ZNF107: variants seen among roughly 807,000 people sequenced by gnomAD.
The protein encoded by ZNF107 is zinc finger protein 107, also known as C2H2 type zinc-finger protein.
In ZNF107, 19 loss-of-function variants were observed where a neutral mutation model predicts 12.3. The observed-to-expected ratio is 1.55, with a 90% CI of 1.08 to 2.27. ZNF107 has a LOEUF of 2.27. Among genes scored for constraint, ZNF107 ranks in the 30% most tolerant of loss-of-function variants. The pLI, the probability that ZNF107 is intolerant of heterozygous loss-of-function variation, is 0.00. For synonymous variants in ZNF107, 317 were observed against 330.5 expected, an observed-to-expected ratio of 0.96 and a Z score of 0.44; for missense variants, 958 against 979.9, an observed-to-expected ratio of 0.98 and a Z score of 0.30.
At chr7:64,684,212 C>A (rs1020545135) in intron 1 of ZNF107, among the ~76,000 whole-genome samples, 23 of 152,168 alleles carry the variant, frequency 1.5e-4, no homozygotes, top group Non-Finnish European at 2.8e-4. Context: ...CCAGGTATAG[C>A]CCATTCGAAC....
In ZNF107 at chr7:64,706,750, A is replaced by G; in HGVS notation, c.653A>G (p.Lys218Arg). ...TTTAACTGGTTCTCAACTCTTACTA[A>G]ACATAAGAGAATTCATACTGGAGAA... is the stretch of plus-strand genomic sequence containing the variant. ...KAFNWFSTLT[K>R]HKRIHTGEKP... Residue 218 changes from lysine (K) to arginine (R), a missense_variant, in exon 4 of 4, where the codon AAA (lysine) becomes AGA (arginine). Physicochemically the swap from Lys to Arg is conservative, Grantham distance 26. Coordinates refer to ENST00000620827, the MANE Select transcript of ZNF107 (RefSeq NM_001282359.2). 2 of 1,612,826 alleles carry G rather than the reference A, an allele frequency of 1.2e-6. No homozygotes were observed. Among genetic ancestry groups the G allele is most frequent in the Non-Finnish European group, 8.5e-7 (1 of 1,179,580 alleles).
At chr7:64,683,851 C>A (rs1268256697) in intron 1 of ZNF107, among the ~76,000 whole-genome samples, 1 of 152,138 alleles carries the variant, frequency 6.6e-6, no homozygotes, top group Non-Finnish European at 1.5e-5. Context: ...AATATAAGTA[C>A]CTCCTAGTTT....
intron 1 of ZNF107, among the ~76,000 whole-genome samples, chr7:64,674,383 T>C (rs1417682762): frequency 6.6e-6 from 1 of 152,148 alleles, no homozygotes; most frequent in Admixed American, 6.5e-5. Flanking sequence ...GTGAATGAGA[T>C]TGTGTTTTTG....
chr7:64,709,108 T>C lies in ZNF107; in HGVS notation c.*452T>C. 1.7e-5 allele frequency: 8 copies of C among 470,526 alleles called. No individual in the cohort carries two copies. The highest frequency in any genetic ancestry group is 1.3e-4 in the South Asian group (8 of 61,298). 29.1% of individuals were successfully genotyped at this position (470,526 alleles called of 1,614,324 possible). A position where few individuals can be genotyped will look rare whatever the true frequency, so the allele number is the denominator to read the frequency against. On this transcript the variant is annotated 3_prime_UTR_variant, in exon 4 of 4. Transcript: ENST00000620827. ...TCATACCTTACTATACAGAAATTCA[T>C]ACTGGAGAGAAAGCCTACAATTGTG...
chr7:64,686,329 A>G (rs1789909134), intron 1 of ZNF107, among the ~76,000 whole-genome samples: 1 of 151,754 alleles, frequency 6.6e-6, no homozygotes, highest in South Asian at 2.1e-4. Context: ...TCCTTCTCCT[A>G]TTTGGACCCT....
intron 1 of ZNF107, among the ~76,000 whole-genome samples, chr7:64,680,749 T>C (rs1004073548): frequency 6.6e-6 from 1 of 151,970 alleles, no homozygotes; most frequent in African/African-American, 2.4e-5. Flanking sequence ...AAAATTAGAG[T>C]CTGGCCCTCA....
At position 64,708,495 on chromosome 7, in the gene ZNF107, C is replaced by A; in HGVS notation, c.2398C>A (p.Gln800Lys). Residue 800 changes from glutamine (Q) to lysine (K), a missense_variant, in exon 4 of 4, where the codon CAG becomes AAG. By Grantham distance (53) the Gln-to-Lys change is moderately conservative. Transcript: ENST00000620827. ...TGAAGAATGTGGCAAATCCTTTAAC[C>A]AGTTCTCATCTCTTAATATACATAA... ...KCEECGKSFN[Q>K]FSSLNIHKII... 6.2e-7 allele frequency: 1 copy of A among 1,612,120 alleles called. No individual in the cohort carries two copies. Among genetic ancestry groups the A allele is most frequent in the Non-Finnish European group, 8.5e-7 (1 of 1,179,334 alleles).
At chr7:64,692,928 G>C (rs1393911917) in intron 3 of ZNF107, among the ~76,000 whole-genome samples, 1 of 152,058 alleles carries the variant, frequency 6.6e-6, no homozygotes, top group Non-Finnish European at 1.5e-5. Context: ...ATGTGTAAGA[G>C]TATATGATCT....
rs1282372920 is a variant in ZNF107, at chr7:64,706,464, T to A, written c.367T>A (p.Cys123Ser). The change falls in exon 4 of 4, where the codon TGT becomes AGT. Residue 123 changes from cysteine (C) to serine (S), a missense_variant. Transcript: ENST00000620827. Reference sequence around the variant, plus strand: ...AAAAGGCTGTAAACATGTGGATGAGTGTACGGGGCACAAAGGAGGTCATAA... The same window carrying A: ...AAAAGGCTGTAAACATGTGGATGAGAGTACGGGGCACAAAGGAGGTCATAA... The part of the protein sequence containing the change: ...LRKGCKHVDE[C>S]TGHKGGHNTV... The A allele has an allele frequency of 1.2e-6, 2 of 1,613,562 alleles. No individual in the cohort carries two copies. Among genetic ancestry groups the A allele is most frequent in the South Asian group, 2.2e-5 (2 of 91,044 alleles).
intron 3 of ZNF107, among the ~76,000 whole-genome samples, chr7:64,698,826 AG>A (rs1221058365): frequency 5.0e-4 from 76 of 152,272 alleles, no homozygotes; most frequent in African/African-American, 1.8e-3. Flanking sequence ...TTTATTTCTA[AG>A]TATTTTTTTA....
At chr7:64,681,818 AC>A (rs1789689376) in intron 1 of ZNF107, among the ~76,000 whole-genome samples, 1 of 152,154 alleles carries the variant, frequency 6.6e-6, no homozygotes, top group South Asian at 2.1e-4. Flanking sequence ...ATCAGATTGT[AC>A]TTTTCATCCA....
rs2128970637 is a variant in ZNF107, at chr7:64,710,453, G to T, written c.*1797G>T. Reference sequence around the variant, plus strand: ...AAATTAAGTCTATATAAATATCAGAGAATTCACAGTAGAAATATCTAAGGT... The same window carrying T: ...AAATTAAGTCTATATAAATATCAGATAATTCACAGTAGAAATATCTAAGGT... On this transcript the variant is annotated 3_prime_UTR_variant, in exon 4 of 4. Transcript: ENST00000620827. The T allele has an allele frequency of 6.6e-6, 1 of 152,188 alleles. No homozygotes were observed. Among genetic ancestry groups the T allele is most frequent in the African/African-American group, 2.4e-5 (1 of 41,530 alleles). The allele number at this position is 152,188 out of a possible 1,614,324, so 9.4% of individuals were successfully genotyped here. A position where few individuals can be genotyped will look rare whatever the true frequency, so the allele number is the denominator to read the frequency against.
In ZNF107 at chr7:64,702,183, C is replaced by G. The variant is rs576405388; in HGVS notation, c.227-4141C>G. ...TTTTTTTTTGAGACGGAGTCTTGCT[C>G]TGTCGCCCAGGCTGGAGTGCAGTGG... On this transcript the variant is annotated intron_variant, in intron 3 of 3. Coordinates refer to ENST00000620827, the MANE Select transcript of ZNF107 (RefSeq NM_001282359.2). Among the ~76,000 whole-genome samples, 12 of 150,898 alleles carry G rather than the reference C, an allele frequency of 8.0e-5. No homozygotes were observed. In the South Asian group the frequency reaches 2.5e-3, roughly 31 times the overall value.
At position 64,691,997 on chromosome 7, in the gene ZNF107, A is replaced by G. The variant is rs1790135862; in HGVS notation, c.226+37A>G. 3.0e-6 allele frequency: 4 copies of G among 1,354,392 alleles called. No individual in the cohort carries two copies. In the South Asian group the frequency reaches 5.9e-5, roughly 20 times the overall value. 83.9% of individuals were successfully genotyped at this position (1,354,392 alleles called of 1,614,324 possible). On this transcript the variant is annotated intron_variant, in intron 3 of 3. Transcript: ENST00000620827. ...TGAAAGTGAATACAACAGATGACAA[A>G]GATGAAAGGTCAAAGGTCAAAGAAA...
Position 64,691,229 on chromosome 7 carries a change from G to T in ZNF107, c.4-19G>T. 6.9e-7 allele frequency: 1 copy of T among 1,458,082 alleles called. No homozygotes were observed. The allele number at this position is 1,458,082 out of a possible 1,614,324, so 90.3% of individuals were successfully genotyped here. Reference sequence around the variant, plus strand: ...GCTTATGGCTGCTTGGTAAATGTGTGTGTGTTTGTGTTTTTCAGGAACCAC... The same window carrying T: ...GCTTATGGCTGCTTGGTAAATGTGTTTGTGTTTGTGTTTTTCAGGAACCAC... On this transcript the variant is annotated intron_variant, in intron 1 of 3. Coordinates refer to ENST00000620827, the MANE Select transcript of ZNF107 (RefSeq NM_001282359.2).
At chr7:64,678,075 A>T (rs976283192) in intron 1 of ZNF107, among the ~76,000 whole-genome samples, 10 of 152,188 alleles carry the variant, frequency 6.6e-5, no homozygotes, top group African/African-American at 2.4e-4. Context: ...ATTAACAGCT[A>T]AATAAATTTT....
intron 1 of ZNF107, among the ~76,000 whole-genome samples, chr7:64,676,813 A>G (rs1344250703): frequency 2.6e-5 from 4 of 152,144 alleles, no homozygotes; most frequent in Non-Finnish European, 5.9e-5. Flanking sequence ...TCCCCTTTCC[A>G]TCAGACACAG....
Position 64,666,369 on chromosome 7 carries a change from C to T in ZNF107, c.3+84C>T, listed in dbSNP as rs1039723637. On this transcript the variant is annotated intron_variant, in intron 1 of 3. Coordinates refer to ENST00000620827, the MANE Select transcript of ZNF107 (RefSeq NM_001282359.2). ...GAAGTGGCTGTGGCTGGACTCGGGC[C>T]TCCAAAGTCCGCGGCCCCAAGTTCT... 9 of 1,548,994 alleles carry T rather than the reference C, an allele frequency of 5.8e-6. No homozygotes were observed. In the South Asian group the frequency reaches 5.9e-5, roughly 10 times the overall value.
intron 1 of ZNF107, among the ~76,000 whole-genome samples, chr7:64,690,791 G>A (rs1023364840): frequency 6.6e-6 from 1 of 151,838 alleles, no homozygotes; most frequent in Non-Finnish European, 1.5e-5. Flanking sequence ...TGTCAGGCTG[G>A]CGTGCAGTGG....
Sources: gnomAD v4.1 joint callset for allele counts (sites outside exome capture counted in the v4.1 genomes callset) on GRCh38, gnomAD v4.1.1 for gene constraint, MANE v1.5 for transcripts, NCBI Gene and HGNC (gene_info 2026-07-23, HGNC 2026-07-21) for gene names.